The following PKHD1 variants were observed in gnomAD, a reference collection of about 807,000 sequenced individuals.
The protein encoded by PKHD1 is PKHD1 ciliary IPT domain containing fibrocystin/polyductin, also known as fibrocystin.
PKHD1 carries 291 observed loss-of-function variants against 412.0 expected under a neutral mutation model. The observed-to-expected ratio is 0.71, with a 90% CI of 0.64 to 0.78. The LOEUF is 0.78. Ranked by LOEUF, PKHD1 falls within the 30% of genes least tolerant of loss-of-function variation. The pLI, the probability that PKHD1 is intolerant of heterozygous loss-of-function variation, is 0.00. For missense variants in PKHD1, 4,825 were observed against 4,950.7 expected, an observed-to-expected ratio of 0.97 and a Z score of 0.76; for synonymous variants, 1,777 against 1,821.5, an observed-to-expected ratio of 0.98 and a Z score of 0.62.
At chr6:51,997,225 C>G (rs919251213) in intron 35 of PKHD1, among the ~76,000 whole-genome samples, 1 of 152,190 alleles carries the variant, frequency 6.6e-6, no homozygotes, top group African/African-American at 2.4e-5. Context: ...TAGGTTGAAT[C>G]TGACACTCTG....
chr6:51,832,017 G>A (rs568670668), intron 51 of PKHD1, among the ~76,000 whole-genome samples: 51 of 152,108 alleles, frequency 3.4e-4, no homozygotes, highest in African/African-American at 1.2e-3. Context: ...GGGAGGGAGG[G>A]AATCATGTCC....
At chr6:51,907,247 GA>G (rs551173860) in intron 40 of PKHD1, among the ~76,000 whole-genome samples, 129 of 152,250 alleles carry the variant, frequency 8.5e-4, no homozygotes, top group Non-Finnish European at 1.5e-3. Context: ...TGGGATATTA[GA>G]AAAGTTACTT....
At chr6:52,065,611 C>A (rs1314240349) in intron 12 of PKHD1, among the ~76,000 whole-genome samples, 1 of 152,118 alleles carries the variant, frequency 6.6e-6, no homozygotes, top group Non-Finnish European at 1.5e-5. Flanking sequence ...AATGCCCACC[C>A]ACTCCTGCTT....
At position 51,960,012 on chromosome 6, in the gene PKHD1, T is replaced by G; in HGVS notation, c.5766A>C (p.Leu1922Phe). 6.2e-7 allele frequency: 1 copy of G among 1,613,308 alleles called. No individual in the cohort carries two copies. Among genetic ancestry groups the G allele is most frequent in the South Asian group, 1.1e-5 (1 of 91,068 alleles). The change falls in exon 36 of 67, where the codon TTA becomes TTC. Residue 1922 changes from leucine to phenylalanine, a missense_variant. Physicochemically the swap from Leu to Phe is conservative, Grantham distance 22. Transcript: ENST00000371117. The stretch of plus-strand genomic sequence containing the variant: ...TCCTGGACCATCTCCGGCAGAACTG[T>G]AAAGAAAAGTTGCCCTGGAAAACAG... ...WGQNTQGNFS[L>F]QFCRRWSRTH...
chr6:51,793,511 C>A (rs1302133100), intron 52 of PKHD1, among the ~76,000 whole-genome samples: 1 of 152,152 alleles, frequency 6.6e-6, no homozygotes, highest in Non-Finnish European at 1.5e-5. Context: ...CCTCTTCCTC[C>A]TCCCACCACC....
intron 64 of PKHD1, among the ~76,000 whole-genome samples, chr6:51,637,778 C>T (rs1203638660): frequency 6.6e-6 from 1 of 151,966 alleles, no homozygotes; most frequent in African/African-American, 2.4e-5. Flanking sequence ...GTGGCGCATG[C>T]CTGTAATCCC....
chr6:51,738,933 A>G (rs1411359037), intron 60 of PKHD1, among the ~76,000 whole-genome samples: 1 of 151,916 alleles, frequency 6.6e-6, no homozygotes, highest in African/African-American at 2.4e-5. Context: ...ACACACACAC[A>G]CAGACAACTC....
rs1770561232 is a variant in PKHD1, at chr6:51,649,296, A to G, written c.11175-76T>C. ...CTATGGTAGCAATTTTCCACAATCC[A>G]TTATTACCAGTGAAAATATTTGCAT... On this transcript the variant is annotated intron_variant, in intron 61 of 66. Transcript: ENST00000371117. The G allele has an allele frequency of 1.0e-5, 11 of 1,098,784 alleles. No homozygotes were observed. The South Asian group carries it at 1.4e-4, about 14-fold the overall frequency. 68.1% of individuals were successfully genotyped at this position (1,098,784 alleles called of 1,614,324 possible). A position where few individuals can be genotyped will look rare whatever the true frequency, so the allele number is the denominator to read the frequency against.
intron 61 of PKHD1, among the ~76,000 whole-genome samples, chr6:51,657,463 C>T (rs1330413431): frequency 6.6e-6 from 1 of 152,010 alleles, no homozygotes; most frequent in Non-Finnish European, 1.5e-5. Flanking sequence ...TTACTCTTTG[C>T]CTTATGTCTA....
chr6:51,997,959 T>C (rs1052986867), intron 35 of PKHD1, among the ~76,000 whole-genome samples: 1 of 152,170 alleles, frequency 6.6e-6, no homozygotes, highest in Non-Finnish European at 1.5e-5. Context: ...ACAGAAAAAC[T>C]AATTAAAGAC....
chr6:51,649,047 T>G (rs777415142), intron 62 of PKHD1, 38 bp downstream of exon 62: 1 of 1,596,312 alleles, frequency 6.3e-7, no homozygotes, highest in Non-Finnish European at 8.6e-7. Context: ...ACATGCTACT[T>G]AGCTCTAAAG....
intron 35 of PKHD1, among the ~76,000 whole-genome samples, chr6:51,970,541 A>G (rs1266538342): frequency 6.6e-6 from 1 of 152,228 alleles, no homozygotes; most frequent in Admixed American, 6.5e-5. Context: ...AATATCCAAA[A>G]AAGTTTTTCC....
intron 36 of PKHD1, among the ~76,000 whole-genome samples, chr6:51,950,239 A>ATATATATATATATATATATATATATATG: frequency 6.9e-6 from 1 of 145,198 alleles, no homozygotes; most frequent in South Asian, 2.1e-4. Flanking sequence ...ATATATATAT[A>ATATATATATATATATATATATATATATG]TGAAATAAAA....
chr6:51,683,987 C>T (rs1777074865), intron 60 of PKHD1, among the ~76,000 whole-genome samples: 1 of 152,002 alleles, frequency 6.6e-6, no homozygotes, highest in Non-Finnish European at 1.5e-5. Flanking sequence ...TGCATATGTC[C>T]TTCTGCTCCC....
intron 37 of PKHD1, among the ~76,000 whole-genome samples, chr6:51,921,557 G>A (rs1784714450): frequency 6.6e-6 from 1 of 152,138 alleles, no homozygotes; most frequent in South Asian, 2.1e-4. Context: ...GTCACTTTCA[G>A]GTACACCAAT....
chr6:52,016,645 A>G (rs1484140767), intron 34 of PKHD1, among the ~76,000 whole-genome samples: 2 of 149,664 alleles, frequency 1.3e-5, no homozygotes, highest in African/African-American at 2.4e-5. Context: ...CAAAAAAAAA[A>G]AAAAAAAAAG....
chr6:52,062,558 G>C lies in PKHD1; in HGVS notation c.1079C>G (p.Ser360Cys). 1 of 1,614,164 alleles carries C rather than the reference G, an allele frequency of 6.2e-7. No individual in the cohort carries two copies. Among genetic ancestry groups the C allele is most frequent in the South Asian group, 1.1e-5 (1 of 91,090 alleles). The change falls in exon 14 of 67, where the codon TCT (serine) becomes TGT (cysteine). Residue 360 changes from serine (S) to cysteine (C), a missense_variant. Coordinates refer to ENST00000371117, the MANE Select transcript of PKHD1 (RefSeq NM_138694.4). Reference protein sequence around the residue: ...YRWQIVPNASSPFGFWSQEGQ... With the variant: ...YRWQIVPNASCPFGFWSQEGQ... ...TTCCTGTGACCAAAACCCAAATGGA[G>C]AACTGGCATTAGGGACAATCTGCCA...
chr6:51,861,005 G>T (rs1450600958), intron 48 of PKHD1, among the ~76,000 whole-genome samples: 2 of 151,938 alleles, frequency 1.3e-5, no homozygotes, highest in African/African-American at 2.4e-5. Flanking sequence ...TACAGATGGG[G>T]TTTCACCATG....
chr6:52,072,551 T>C (rs1562286287), intron 7 of PKHD1, among the ~76,000 whole-genome samples: 1 of 152,192 alleles, frequency 6.6e-6, no homozygotes, highest in Non-Finnish European at 1.5e-5. Flanking sequence ...TAGCAAAATA[T>C]GGCACATTCC....
Sources: allele counts gnomAD v4.1 joint callset (sites outside exome capture counted in the v4.1 genomes callset), GRCh38; gene constraint gnomAD v4.1.1; transcripts MANE v1.5; gene names NCBI Gene and HGNC (gene_info 2026-07-23, HGNC 2026-07-21).